The following NSD2 variants were observed in gnomAD, a reference collection of about 807,000 sequenced individuals.
NSD2 encodes nuclear receptor binding SET domain protein 2.
NSD2 carries 12 observed loss-of-function variants against 139.0 expected under a neutral mutation model. The ratio of observed to expected loss-of-function variants is 0.09; its 90% CI spans 0.06 to 0.14. NSD2 has a LOEUF of 0.14. Among genes scored for constraint, NSD2 ranks in the 10% least tolerant of loss-of-function variants. The probability of loss-of-function intolerance (pLI) is 1.00; values close to 1 mark genes in which losing one functional copy is unlikely to be tolerated. For synonymous variants in NSD2, 669 were observed against 648.7 expected (o/e 1.03, Z -0.48); for missense variants, 1,155 against 1,745.0 (o/e 0.66, Z 6.02).
intron 5 of NSD2, among the ~76,000 whole-genome samples, chr4:1,921,129 C>G (rs764556198): frequency 6.6e-6 from 1 of 152,124 alleles, no homozygotes; most frequent in African/African-American, 2.4e-5. Flanking sequence ...GTATCAGAAG[C>G]TTTCATCAAG....
At chr4:1,964,259 T>G (rs1454344776) in intron 18 of NSD2, among the ~76,000 whole-genome samples, 1 of 152,038 alleles carries the variant, frequency 6.6e-6, no homozygotes, top group African/African-American at 2.4e-5. Flanking sequence ...CAGCGGAGGT[T>G]AAAATAGAGT....
chr4:1,876,060 A>G (rs181794645), intron 1 of NSD2, among the ~76,000 whole-genome samples: 1 of 150,836 alleles, frequency 6.6e-6, no homozygotes, highest in Admixed American at 6.6e-5. Context: ...CTAAAAATAT[A>G]AAAAATAAGC....
Position 1,958,150 on chromosome 4 carries a change from T to TAGC in NSD2, c.2985+114_2985+115insAGC. ...GGGAGAGGACTGTCACCAGCCAGGATCTGTGGTGCCTGGCATGGATGGCCA... is the reference window on the plus strand; with the variant it reads ...GGGAGAGGACTGTCACCAGCCAGGATAGCCTGTGGTGCCTGGCATGGATGGCCA... On this transcript the variant is annotated intron_variant, in intron 16 of 21. Transcript: ENST00000508803. The surrounding 1 kb of genome is among the most constrained non-coding windows in gnomAD (Gnocchi z 4.6). 9.5e-7 allele frequency: 1 copy of TAGC among 1,052,314 alleles called. No homozygotes were observed. Among genetic ancestry groups the TAGC allele is most frequent in the Admixed American group, 2.3e-5 (1 of 42,742 alleles). 65.2% of individuals were successfully genotyped at this position (1,052,314 alleles called of 1,614,324 possible).
chr4:1,944,212 G>C, intron 9 of NSD2: 1 of 1,066,244 alleles, frequency 9.4e-7, no homozygotes, highest in Non-Finnish European at 1.1e-6. Flanking sequence ...TGCCAGGAGT[G>C]GGCTCATCCT....
intron 1 of NSD2, among the ~76,000 whole-genome samples, chr4:1,876,203 G>T (rs1206848519): frequency 2.0e-5 from 3 of 151,584 alleles, no homozygotes; most frequent in Non-Finnish European, 4.4e-5. Context: ...GACAGAGCAA[G>T]ACCCCTGTCT....
At chr4:1,916,720 T>C in intron 3 of NSD2, 151 bp from the exon 4 acceptor site, 1 of 621,764 alleles carries the variant, frequency 1.6e-6, no homozygotes. Flanking sequence ...CTTTGGCATG[T>C]GGCATGGAAG....
Position 1,903,218 on chromosome 4 carries a change from CAT to C in NSD2, c.598-997_598-996del, listed in dbSNP as rs35119483. Among the ~76,000 whole-genome samples, 998 of 152,322 alleles carry C rather than the reference CAT, an allele frequency of 6.6e-3. 6 individuals carry two copies. Among genetic ancestry groups the C allele is most frequent in the African/African-American group, 0.022 (922 of 41,580 alleles). ...GCCTGAGGCAGTGGAACAATTTACT[CAT>C]GTGTATAGTGCTCTTGAGCAAGGCT... is the stretch of plus-strand genomic sequence containing the variant. On this transcript the variant is annotated intron_variant, in intron 2 of 21. Transcript: ENST00000508803.
intron 18 of NSD2, among the ~76,000 whole-genome samples, chr4:1,964,571 G>C (rs1725683619): frequency 6.6e-6 from 1 of 152,188 alleles, no homozygotes; most frequent in Admixed American, 6.5e-5. Context: ...GTGGGTATCT[G>C]TGCTCAGGAT....
rs1201316985 is a variant in NSD2, at chr4:1,938,946, A to C, written c.1756+414A>C. Reference sequence around the variant, plus strand: ...AGTAAGGGCTCGTTATTTATATTTCACATGCTAAAGAAACTAGCTTAAAAC... The same window carrying C: ...AGTAAGGGCTCGTTATTTATATTTCCCATGCTAAAGAAACTAGCTTAAAAC... On this transcript the variant is annotated intron_variant, in intron 8 of 21. Coordinates refer to ENST00000508803, the MANE Select transcript of NSD2 (RefSeq NM_001042424.3). Among the ~76,000 whole-genome samples, 3 of 152,176 alleles carry C rather than the reference A, an allele frequency of 2.0e-5. No homozygotes were observed. The East Asian group carries it at 5.8e-4, about 29-fold the overall frequency.
rs746073848 is a variant in NSD2 at position 1,900,986 on chromosome 4, C to G, written c.332C>G (p.Pro111Arg). The change falls in exon 2 of 22, where the codon CCC (proline) becomes CGC (arginine). Residue 111 changes from proline (P) to arginine (R), a missense_variant. Pro to Arg is a moderately radical substitution (Grantham distance 103). Transcript: ENST00000508803. ...CAGGAAATGAAAGGGATTGGGACAC[C>G]CCCTAACACTACCCCTATCAAAAAT... ...ESQEMKGIGT[P>R]PNTTPIKNGS... is the part of the protein sequence containing the mutation. The G allele has an allele frequency of 6.2e-7, 1 of 1,614,098 alleles. No individual in the cohort carries two copies. The highest frequency in any genetic ancestry group is 8.5e-7 in the Non-Finnish European group (1 of 1,180,034).
rs1003856067 is a variant in NSD2, at chr4:1,980,632, C to T, written c.*1723C>T. The T allele has an allele frequency of 1.7e-5, 4 of 233,178 alleles. No homozygotes were observed. The highest frequency in any genetic ancestry group is 6.0e-5 in the East Asian group (1 of 16,582). The allele number at this position is 233,178 out of a possible 1,614,324, so 14.4% of individuals were successfully genotyped here. A position where few individuals can be genotyped will look rare whatever the true frequency, so the allele number is the denominator to read the frequency against. ...GGGTGTGTGGCCCTGCAGGGTCCCA[C>T]GCCTCCCTGAGCACTGACTGGAAGT... On this transcript the variant is annotated 3_prime_UTR_variant, in exon 22 of 22. Coordinates refer to ENST00000508803, the MANE Select transcript of NSD2 (RefSeq NM_001042424.3).
chr4:1,895,474 A>G (rs1386811307), intron 1 of NSD2, among the ~76,000 whole-genome samples: 1 of 151,974 alleles, frequency 6.6e-6, no homozygotes, highest in Admixed American at 6.5e-5. Flanking sequence ...TTATCTTCTA[A>G]TCTATTATAT....
intron 7 of NSD2, among the ~76,000 whole-genome samples, chr4:1,936,090 G>A (rs1157452315): frequency 1.3e-5 from 2 of 152,200 alleles, no homozygotes; most frequent in Non-Finnish European, 2.9e-5. Flanking sequence ...CAGGAAAAGT[G>A]CAGCATAGAT....
intron 1 of NSD2, among the ~76,000 whole-genome samples, chr4:1,880,817 A>G (rs961173466): frequency 7.2e-5 from 11 of 152,206 alleles, no homozygotes; most frequent in Admixed American, 3.9e-4. Context: ...AACATGGACT[A>G]ATTTTTATTG....
chr4:1,917,913 T>G (rs1384953624), intron 4 of NSD2, among the ~76,000 whole-genome samples: 1 of 151,488 alleles, frequency 6.6e-6, no homozygotes, highest in Non-Finnish European at 1.5e-5. Flanking sequence ...CCCTAGTAGC[T>G]GGGACCACAG....
chr4:1,905,300 G>A (rs550570790), intron 3 of NSD2, among the ~76,000 whole-genome samples: 44 of 152,378 alleles, frequency 2.9e-4, no homozygotes, highest in African/African-American at 9.9e-4. Context: ...GATGTGGCGA[G>A]TGCGGAGTTA....
At chr4:1,914,380 C>A (rs1004176757) in intron 3 of NSD2, among the ~76,000 whole-genome samples, 1 of 151,138 alleles carries the variant, frequency 6.6e-6, no homozygotes, top group African/African-American at 2.4e-5. Context: ...GGCTGGAGTG[C>A]GGTGGCACGA....
At chr4:1,953,043 T>C (rs1724442715) in intron 11 of NSD2, 1 of 1,447,834 alleles carries the variant, frequency 6.9e-7, no homozygotes, top group African/African-American at 1.4e-5. Flanking sequence ...CTTTCAAGCT[T>C]CTTGCCAGTT....
At chr4:1,977,787 ACT>A (rs1727252655) in intron 21 of NSD2, among the ~76,000 whole-genome samples, 1 of 133,518 alleles carries the variant, frequency 7.5e-6, no homozygotes, top group Non-Finnish European at 1.6e-5. Flanking sequence ...GCAAGACTCC[ACT>A]CAAAAAAAAA....
Sources: allele counts gnomAD v4.1 joint callset (sites outside exome capture counted in the v4.1 genomes callset), GRCh38; gene constraint gnomAD v4.1.1; non-coding constraint Gnocchi (gnomAD v3.1); transcripts MANE v1.5; gene names NCBI Gene and HGNC (gene_info 2026-07-23, HGNC 2026-07-21).